The following PTPRJ variants were observed in gnomAD, a reference collection of about 807,000 sequenced individuals.
PTPRJ encodes protein tyrosine phosphatase receptor type J, also known as receptor-type tyrosine-protein phosphatase eta.
Under a neutral mutation model 141.3 loss-of-function variants are expected in PTPRJ, and 129 were observed. The ratio of observed to expected loss-of-function variants is 0.91; its 90% CI spans 0.79 to 1.06. The LOEUF (loss-of-function observed/expected upper bound fraction) is 1.06, where lower values mean the gene tolerates loss of function less well. Among genes scored for constraint, PTPRJ ranks in the 50% least tolerant of loss-of-function variants. PTPRJ has a pLI of 0.00. For missense variants in PTPRJ, 1,601 were observed against 1,679.7 expected (o/e 0.95, Z 0.82); for synonymous variants, 610 against 640.5 (o/e 0.95, Z 0.72).
intron 1 of PTPRJ, among the ~76,000 whole-genome samples, chr11:48,109,765 C>T (rs773281778): frequency 9.2e-5 from 14 of 151,810 alleles, no homozygotes; most frequent in Non-Finnish European, 1.6e-4. Flanking sequence ...GGAGTTGCTC[C>T]GGGGAGAGGG....
At chr11:48,067,816 C>G (rs929772279) in intron 1 of PTPRJ, among the ~76,000 whole-genome samples, 4 of 152,128 alleles carry the variant, frequency 2.6e-5, no homozygotes, top group African/African-American at 9.7e-5. Flanking sequence ...CTGCAAAAAG[C>G]TATGATAGGG....
At chr11:47,998,510 G>A (rs1400928816) in intron 1 of PTPRJ, among the ~76,000 whole-genome samples, 1 of 152,182 alleles carries the variant, frequency 6.6e-6, no homozygotes, top group Admixed American at 6.5e-5. Context: ...CCAGATCCAG[G>A]TATGTGGCTC....
intron 1 of PTPRJ, among the ~76,000 whole-genome samples, chr11:48,098,787 G>GT (rs1856080919): frequency 6.3e-5 from 1 of 15,952 alleles, no homozygotes; most frequent in Non-Finnish European, 3.3e-4. Context: ...CCAAAGTGCT[G>GT]GGATTACAGG....
chr11:48,049,546 A>G (rs1276066388), intron 1 of PTPRJ, among the ~76,000 whole-genome samples: 2 of 151,042 alleles, frequency 1.3e-5, no homozygotes, highest in African/African-American at 4.9e-5. Context: ...AAAACAAAAC[A>G]AAACAAAACA....
chr11:48,034,759 G>C (rs1328736921), intron 1 of PTPRJ, among the ~76,000 whole-genome samples: 1 of 152,188 alleles, frequency 6.6e-6, no homozygotes, highest in Non-Finnish European at 1.5e-5. Context: ...CTGGCTCCAT[G>C]TTCTAGGTTC....
chr11:48,086,418 C>A (rs1168471960), intron 1 of PTPRJ, among the ~76,000 whole-genome samples: 1 of 152,234 alleles, frequency 6.6e-6, no homozygotes, highest in Non-Finnish European at 1.5e-5. Context: ...GTGATCCACT[C>A]GCTTCGGCCT....
intron 1 of PTPRJ, among the ~76,000 whole-genome samples, chr11:48,001,707 A>G (rs1854503510): frequency 6.6e-6 from 1 of 152,172 alleles, no homozygotes; most frequent in Non-Finnish European, 1.5e-5. Context: ...CAGGAGAGGA[A>G]AATGAGATGC....
At chr11:48,124,891 G>C in intron 5 of PTPRJ, 77 bp from the exon 6 acceptor site, 1 of 1,380,824 alleles carries the variant, frequency 7.2e-7, no homozygotes, top group Non-Finnish European at 1.0e-6. Flanking sequence ...CATCTGATGG[G>C]GTTGGGGCTC....
intron 1 of PTPRJ, among the ~76,000 whole-genome samples, chr11:47,992,016 A>T (rs977444229): frequency 1.3e-5 from 2 of 152,144 alleles, no homozygotes; most frequent in African/African-American, 2.4e-5. Flanking sequence ...TTTCACATAT[A>T]TGAGCTTGTT....
At chr11:48,121,420 C>G (rs1045338563) in intron 4 of PTPRJ, among the ~76,000 whole-genome samples, 154 bp downstream of exon 4, 3 of 152,212 alleles carry the variant, frequency 2.0e-5, no homozygotes, top group African/African-American at 7.2e-5. Context: ...CCTGGGATTT[C>G]TGGTGGCCAC....
intron 1 of PTPRJ, among the ~76,000 whole-genome samples, chr11:48,098,792 T>TCCC (rs2134310142): frequency 6.8e-6 from 1 of 147,230 alleles, no homozygotes; most frequent in Non-Finnish European, 1.5e-5. Flanking sequence ...GTGCTGGGAT[T>TCCC]ACAGGCGTGA....
chr11:48,122,459 G>C (rs879303775), intron 4 of PTPRJ, among the ~76,000 whole-genome samples: 18 of 152,188 alleles, frequency 1.2e-4, no homozygotes, highest in Admixed American at 6.5e-4. Flanking sequence ...TGCGTATTGA[G>C]CACGGCACAT....
chr11:48,038,045 T>C (rs1736088326), intron 1 of PTPRJ, among the ~76,000 whole-genome samples: 1 of 151,976 alleles, frequency 6.6e-6, no homozygotes, highest in African/African-American at 2.4e-5. Flanking sequence ...TTACATACTG[T>C]GTATGGTTTG....
intron 7 of PTPRJ, among the ~76,000 whole-genome samples, chr11:48,128,420 C>T (rs780347410): frequency 1.3e-5 from 2 of 152,096 alleles, no homozygotes; most frequent in Non-Finnish European, 2.9e-5. Flanking sequence ...TATTCATATC[C>T]CCTTGTGTCT....
chr11:48,073,117 C>T (rs1855303363), intron 1 of PTPRJ, among the ~76,000 whole-genome samples: 1 of 152,206 alleles, frequency 6.6e-6, no homozygotes, highest in African/African-American at 2.4e-5. Flanking sequence ...TCACCTTGTG[C>T]CCACTGGCTC....
intron 3 of PTPRJ, among the ~76,000 whole-genome samples, chr11:48,117,463 C>T (rs552618080): frequency 5.4e-4 from 75 of 139,156 alleles, no homozygotes; most frequent in Non-Finnish European, 9.2e-4. Flanking sequence ...ATTGCTTGAA[C>T]CCAGAGGGCA....
intron 3 of PTPRJ, among the ~76,000 whole-genome samples, chr11:48,118,096 T>C (rs1309197188): frequency 6.6e-6 from 1 of 152,246 alleles, no homozygotes; most frequent in Non-Finnish European, 1.5e-5. Flanking sequence ...ACTGTTGTTA[T>C]TCTAAGAGAC....
intron 23 of PTPRJ, 131 bp from the exon 24 acceptor site, chr11:48,164,249 G>C (rs1172494362): frequency 8.6e-7 from 1 of 1,167,828 alleles, no homozygotes; most frequent in Non-Finnish European, 1.2e-6. Flanking sequence ...GAGCAAATGT[G>C]TACTGATCCT....
At chr11:48,034,896 G>T (rs1204942498) in intron 1 of PTPRJ, among the ~76,000 whole-genome samples, 2 of 152,218 alleles carry the variant, frequency 1.3e-5, no homozygotes, top group Admixed American at 1.3e-4. Context: ...TCAGATGCAC[G>T]AATGAGAATC....
Sources: allele counts gnomAD v4.1 joint callset (sites outside exome capture counted in the v4.1 genomes callset), GRCh38; gene constraint gnomAD v4.1.1; transcripts MANE v1.5; gene names NCBI Gene and HGNC (gene_info 2026-07-23, HGNC 2026-07-21).